Variants in AMMECR1 observed in about 807,000 individuals in gnomAD.
AMMECR1 encodes nuclear protein AMMECR1.
Under a neutral mutation model 22.5 loss-of-function variants are expected in AMMECR1, and 3 were observed. That is an observed-to-expected ratio of 0.13 (90% CI 0.06 to 0.35). The LOEUF (loss-of-function observed/expected upper bound fraction) is 0.35, where lower values mean the gene tolerates loss of function less well. Ranked by LOEUF, AMMECR1 falls within the 10% of genes least tolerant of loss-of-function variation. The pLI is 1.00. For missense variants in AMMECR1, 235 were observed against 278.7 expected, an observed-to-expected ratio of 0.84 and a Z score of 1.12; for synonymous variants, 130 against 116.7, an observed-to-expected ratio of 1.11 and a Z score of -0.74.
At position 110,365,943 on chromosome X, in the gene AMMECR1, C is replaced by G. The variant is rs192395488; in HGVS notation, c.-147-48094G>C. 5.5e-4 allele frequency among the ~76,000 whole-genome samples: 62 copies of G among 111,779 alleles called. No homozygotes were observed. The Admixed American group carries it at 5.9e-3, about 11-fold the overall frequency. ...AAAATATAACATCAGGAAACTTCAG[C>G]TGAATGAAAACTAGGGAATTAGCTG... On this transcript the variant is annotated intron_variant, in intron 2 of 7. Coordinates refer to the AMMECR1 transcript ENST00000372057.
chrX:110,302,257 T>C (rs1338629622), intron 1 of AMMECR1, among the ~76,000 whole-genome samples: 1 of 111,461 alleles, frequency 9.0e-6, no homozygotes, highest in Non-Finnish European at 1.9e-5. Context: ...CTAGAAACTT[T>C]TTAGATTTGT....
At chrX:110,305,340 T>C (rs1232313310) in intron 1 of AMMECR1, 1 of 112,349 alleles carries the variant, frequency 8.9e-6, no homozygotes, top group Non-Finnish European at 1.9e-5. Context: ...TCAACAAATA[T>C]TCATTTTAAA....
chrX:110,291,396 C>T (rs1306632074), intron 1 of AMMECR1, among the ~76,000 whole-genome samples: 6 of 110,593 alleles, frequency 5.4e-5, no homozygotes, highest in East Asian at 2.8e-4. Flanking sequence ...CGTGGTGGTG[C>T]GCACCTGTAG....
chrX:110,369,220 T>TACTC (rs1244488570), intron 2 of AMMECR1, among the ~76,000 whole-genome samples: 4 of 110,827 alleles, frequency 3.6e-5, no homozygotes, highest in Non-Finnish European at 7.6e-5. Flanking sequence ...TGGTCCCAGC[T>TACTC]ACTCGGTAGG....
intron 2 of AMMECR1, among the ~76,000 whole-genome samples, chrX:110,382,080 A>G (rs1417901132): frequency 8.9e-6 from 1 of 112,058 alleles, no homozygotes; most frequent in African/African-American, 3.2e-5. Context: ...TATGCTGTTG[A>G]CAGTATTTTT....
chrX:110,320,973 A>C (rs932076490), upstream of AMMECR1, among the ~76,000 whole-genome samples: 1 of 112,197 alleles, frequency 8.9e-6, no homozygotes, highest in African/African-American at 3.2e-5. Context: ...AAGATGCTTT[A>C]TAAATCGCTT....
At chrX:110,322,064 A>C (rs2068080912), upstream of AMMECR1, among the ~76,000 whole-genome samples, 1 of 112,661 alleles carries the variant, frequency 8.9e-6, no homozygotes, top group Non-Finnish European at 1.9e-5. Flanking sequence ...GAACACATTT[A>C]TGAGCAAAAG....
intron 2 of AMMECR1, among the ~76,000 whole-genome samples, chrX:110,373,892 G>A (rs951097845): frequency 2.7e-5 from 3 of 111,675 alleles, no homozygotes; most frequent in Non-Finnish European, 5.7e-5. Context: ...AAAGTCAAAT[G>A]ACAGTTTAAA....
chrX:110,220,222 G>A (rs1425255147), intron 2 of AMMECR1, among the ~76,000 whole-genome samples: 6 of 111,873 alleles, frequency 5.4e-5, no homozygotes, highest in Admixed American at 1.9e-4. Flanking sequence ...AAATTCTTTC[G>A]AGTATCTATA....
chrX:110,263,191 A>G (rs1256822821), intron 2 of AMMECR1, among the ~76,000 whole-genome samples: 1 of 111,368 alleles, frequency 9.0e-6, no homozygotes, highest in Non-Finnish European at 1.9e-5. Flanking sequence ...CCCAAAAATG[A>G]GCCCATTGTA....
chrX:110,368,213 T>G (rs916228526), intron 2 of AMMECR1, among the ~76,000 whole-genome samples: 4 of 110,139 alleles, frequency 3.6e-5, no homozygotes, highest in Non-Finnish European at 5.7e-5. Context: ...ATTTCTTACT[T>G]GGATCATTAC....
At chrX:110,291,875 C>G (rs1379583422) in intron 1 of AMMECR1, among the ~76,000 whole-genome samples, 1 of 111,733 alleles carries the variant, frequency 8.9e-6, no homozygotes, top group East Asian at 2.8e-4. Context: ...CCCGAATACA[C>G]AGACTTTATT....
chrX:110,258,135 C>T (rs2067720086), intron 2 of AMMECR1, among the ~76,000 whole-genome samples: 1 of 111,880 alleles, frequency 8.9e-6, no homozygotes, highest in Non-Finnish European at 1.9e-5. Flanking sequence ...CAACTGGAAA[C>T]TCTAAAGATC....
At chrX:110,402,447 C>T (rs184839150) in intron 2 of AMMECR1, among the ~76,000 whole-genome samples, 24 of 112,796 alleles carry the variant, frequency 2.1e-4, no homozygotes, top group Non-Finnish European at 2.8e-4. Context: ...GGAGAGGAGA[C>T]GGAAGGGTTC....
intron 2 of AMMECR1, among the ~76,000 whole-genome samples, chrX:110,361,083 A>G (rs1444778680): frequency 9.1e-6 from 1 of 110,471 alleles, no homozygotes; most frequent in Non-Finnish European, 1.9e-5. Context: ...TCTCCAACTT[A>G]CCATGTTCAA....
intron 2 of AMMECR1, among the ~76,000 whole-genome samples, chrX:110,395,698 A>C (rs182477734): frequency 1.9e-3 from 212 of 111,100 alleles, no homozygotes; most frequent in African/African-American, 6.4e-3. Context: ...GGGGAGAGAC[A>C]GGGGAGGGAG....
intron 2 of AMMECR1, among the ~76,000 whole-genome samples, chrX:110,353,770 T>C (rs1160724323): frequency 9.0e-6 from 1 of 111,693 alleles, no homozygotes; most frequent in Non-Finnish European, 1.9e-5. Flanking sequence ...TTGAGAATGA[T>C]AGAAAACCTT....
At chrX:110,248,475 T>G (rs933716695) in intron 2 of AMMECR1, among the ~76,000 whole-genome samples, 2 of 112,020 alleles carry the variant, frequency 1.8e-5, no homozygotes, top group Non-Finnish European at 3.8e-5. Flanking sequence ...GTAAGAAATC[T>G]AAGTTCAATA....
intron 1 of AMMECR1, among the ~76,000 whole-genome samples, chrX:110,308,337 T>C (rs760229390): frequency 9.0e-6 from 1 of 111,252 alleles, no homozygotes; most frequent in Non-Finnish European, 1.9e-5. Context: ...TTGAATACAA[T>C]TCATTTTACT....
Sources: gnomAD v4.1 joint callset for allele counts (sites outside exome capture counted in the v4.1 genomes callset) on GRCh38, gnomAD v4.1.1 for gene constraint, MANE v1.5 for transcripts, NCBI Gene and HGNC (gene_info 2026-07-23, HGNC 2026-07-21) for gene names.